Variants in IKBKB-DT observed in about 807,000 individuals in gnomAD.
IKBKB-DT encodes the protein IKBKB divergent transcript, also known as IKBKB antisense RNA.
chr8:42,236,649 TG>T (rs35696276), intron 3 of IKBKB-DT, among the ~76,000 whole-genome samples: 1 of 152,104 alleles, frequency 6.6e-6, no homozygotes, highest in Non-Finnish European at 1.5e-5. Flanking sequence ...CCCAGCTACT[TG>T]GGAGGCTGAG....
chr8:42,235,154 T>G (rs1022655437), intron 3 of IKBKB-DT, among the ~76,000 whole-genome samples: 2 of 124,082 alleles, frequency 1.6e-5, no homozygotes, highest in Non-Finnish European at 3.3e-5. Context: ...TTTCTTTTTT[T>G]TTTCTAACTC....
chr8:42,257,613 GAGTTTGATTTTTCAA>G (rs1188559156), intron 3 of IKBKB-DT, among the ~76,000 whole-genome samples: 4 of 151,920 alleles, frequency 2.6e-5, no homozygotes, highest in Non-Finnish European at 5.9e-5. Context: ...ACTTCATGTA[GAGTTTGATTTTTCAA>G]AGTTGTCAAA....
chr8:42,263,809 C>T (rs1008844151), intron 2 of IKBKB-DT, among the ~76,000 whole-genome samples: 51 of 151,778 alleles, frequency 3.4e-4, no homozygotes, highest in Non-Finnish European at 1.3e-4. Flanking sequence ...AATGGAGACG[C>T]GTTTTTTTGT....
exon 1 of IKBKB-DT, chr8:42,271,087 G>C (rs1807617116): frequency 2.5e-6 from 1 of 397,136 alleles, no homozygotes; most frequent in Admixed American, 4.5e-5. Context: ...AAGAGAACAG[G>C]GTGTAACGGG....
At chr8:42,253,803 G>A (rs933201822) in intron 3 of IKBKB-DT, among the ~76,000 whole-genome samples, 6 of 152,200 alleles carry the variant, frequency 3.9e-5, no homozygotes, top group Non-Finnish European at 7.3e-5. Flanking sequence ...TTTATAACCC[G>A]ACGCATCCAC....
At chr8:42,265,061 C>T (rs985077588) in intron 2 of IKBKB-DT, among the ~76,000 whole-genome samples, 27 of 152,104 alleles carry the variant, frequency 1.8e-4, no homozygotes, top group Admixed American at 1.8e-3. Context: ...TGGGGTTTCA[C>T]CATGTTGGTC....
At chr8:42,259,526 A>C (rs766199329) in intron 3 of IKBKB-DT, among the ~76,000 whole-genome samples, 2 of 152,238 alleles carry the variant, frequency 1.3e-5, no homozygotes, top group South Asian at 4.1e-4. Context: ...AACCCTGACT[A>C]TAGGTTACCA....
chr8:42,262,073 G>A (rs1028286081), intron 3 of IKBKB-DT, among the ~76,000 whole-genome samples: 7 of 143,844 alleles, frequency 4.9e-5, no homozygotes, highest in African/African-American at 1.8e-4. Context: ...TTTCACCAGA[G>A]TCACTGTCCA....
chr8:42,242,281 T>TTA lies in IKBKB-DT; in HGVS notation n.1530-8424_1530-8423dup, dbSNP rs202031760. The stretch of plus-strand genomic sequence containing the variant: ...TAAATAAATAAATACAGTAAGCAGA[T>TTA]TATAGCATCATCCCTGTGGTTGGGA... On this transcript the variant is annotated intron_variant and non_coding_transcript_variant, in intron 3 of 3. Transcript: ENST00000518213. Among the ~76,000 whole-genome samples the TTA allele has an allele frequency of 3.1e-3, 454 of 144,492 alleles. 2 individuals carry two copies. Among genetic ancestry groups the TTA allele is most frequent in the Admixed American group, 5.4e-3 (80 of 14,832 alleles). The allele number at this position is 144,492 out of a possible 152,430, so 94.8% of individuals were successfully genotyped here. A position where few individuals can be genotyped will look rare whatever the true frequency, so the allele number is the denominator to read the frequency against.
rs746414963 is a variant in IKBKB-DT, at chr8:42,235,205, C to CTTTTTTTTTTTT, written n.1530-1358_1530-1347dup. Among the ~76,000 whole-genome samples the CTTTTTTTTTTTT allele has an allele frequency of 3.1e-4, 31 of 99,394 alleles. 1 individual carries two copies. The highest frequency in any genetic ancestry group is 1.2e-3 in the African/African-American group (29 of 24,964). The allele number at this position is 99,394 out of a possible 152,430, so 65.2% of individuals were successfully genotyped here. On this transcript the variant is annotated intron_variant and non_coding_transcript_variant, in intron 3 of 3. Transcript: ENST00000518213. ...TTTCTTTTTTCTTTTCTTTTATTTT[C>CTTTTTTTTTTTT]TTTTTTTTTTTTTTTTTGAGACAGA...
chr8:42,255,160 C>T (rs1215845555), intron 3 of IKBKB-DT, among the ~76,000 whole-genome samples: 6 of 151,828 alleles, frequency 4.0e-5, no homozygotes, highest in Admixed American at 3.3e-4. Context: ...ACTGCCCAGC[C>T]GTCGCCCCAT....
chr8:42,250,227 G>A (rs1031393878), intron 3 of IKBKB-DT, among the ~76,000 whole-genome samples: 16 of 152,066 alleles, frequency 1.1e-4, no homozygotes, highest in Non-Finnish European at 1.5e-5. Context: ...ACAGGGGTGT[G>A]GGAAATAGTC....
At chr8:42,244,453 A>G (rs1425207942) in intron 3 of IKBKB-DT, among the ~76,000 whole-genome samples, 2 of 152,206 alleles carry the variant, frequency 1.3e-5, no homozygotes, top group Non-Finnish European at 2.9e-5. Context: ...TTTTGGGTAA[A>G]CAGACCTGAT....
chr8:42,248,076 G>A (rs1443018096), intron 3 of IKBKB-DT, among the ~76,000 whole-genome samples: 1 of 149,502 alleles, frequency 6.7e-6, no homozygotes, highest in Non-Finnish European at 1.5e-5. Context: ...CTGGGCGACA[G>A]AGCAAGACTC....
intron 3 of IKBKB-DT, among the ~76,000 whole-genome samples, chr8:42,244,644 G>T (rs1490162921): frequency 3.9e-5 from 6 of 152,114 alleles, no homozygotes; most frequent in African/African-American, 1.4e-4. Context: ...GGGCCTAAGT[G>T]ATCCTTCTGA....
intron 3 of IKBKB-DT, among the ~76,000 whole-genome samples, chr8:42,255,772 T>A (rs1410247078): frequency 6.6e-6 from 1 of 152,150 alleles, no homozygotes; most frequent in African/African-American, 2.4e-5. Flanking sequence ...ACACCTGTAA[T>A]CCCAGCACTT....
intron 3 of IKBKB-DT, among the ~76,000 whole-genome samples, chr8:42,241,297 C>T (rs1190778825): frequency 3.6e-5 from 4 of 111,918 alleles, no homozygotes; most frequent in Non-Finnish European, 6.6e-5. Flanking sequence ...AAATCTGTGG[C>T]CCAGGAGGCA....
rs1191665410 is a variant in IKBKB-DT at position 42,262,345 on chromosome 8, A to AAGAAT, written n.1529+983_1529+984insATTCT. On this transcript the variant is annotated intron_variant and non_coding_transcript_variant, in intron 3 of 3. Transcript: ENST00000518213. ...TAAAAAAAAAAAGAAAAGAAAAGAAATAGAAGGCACAAAAGAGAAACTTGT... is the reference window on the plus strand; with the variant it reads ...TAAAAAAAAAAAGAAAAGAAAAGAAAAGAATTAGAAGGCACAAAAGAGAAACTTGT... 2.0e-5 allele frequency among the ~76,000 whole-genome samples: 3 copies of AAGAAT among 151,992 alleles called. No homozygotes were observed. The East Asian group carries it at 5.8e-4, about 29-fold the overall frequency.
chr8:42,239,614 T>TTATATATATATATATATATATATATATA (rs113469700), intron 3 of IKBKB-DT, among the ~76,000 whole-genome samples: 198 of 19,774 alleles, frequency 0.01, 38 homozygotes, highest in Non-Finnish European at 0.016. Flanking sequence ...AAAAGGCAAT[T>TTATATATATATATATATATATATATATA]TATATATATA....
Sources: allele counts gnomAD v4.1 joint callset (sites outside exome capture counted in the v4.1 genomes callset), GRCh38; gene constraint gnomAD v4.1.1; transcripts MANE v1.5; gene names NCBI Gene and HGNC (gene_info 2026-07-23, HGNC 2026-07-21).